DISP1: variants seen among roughly 807,000 people sequenced by gnomAD.
DISP1 encodes the protein dispatched RND transporter family member 1.
In DISP1, 30 loss-of-function variants were observed where a neutral mutation model predicts 37.3. The observed-to-expected ratio is 0.80, with a 90% CI of 0.60 to 1.09. The LOEUF is 1.09. Among genes scored for constraint, DISP1 ranks in the 50% least tolerant of loss-of-function variants. DISP1 has a pLI of 0.00. For missense variants in DISP1, 1,598 were observed against 1,879.5 expected (o/e 0.85, Z 2.77); for synonymous variants, 634 against 690.2 (o/e 0.92, Z 1.28).
At chr1:222,844,671 A>G (rs1483624511) in intron 1 of DISP1, among the ~76,000 whole-genome samples, 1 of 152,134 alleles carries the variant, frequency 6.6e-6, no homozygotes, top group Non-Finnish European at 1.5e-5. Flanking sequence ...CCATGAGCCA[A>G]TTTTCAAAGC....
intron 1 of DISP1, chr1:222,823,902 A>G (rs768867100): frequency 4.6e-5 from 7 of 151,164 alleles, no homozygotes; most frequent in Non-Finnish European, 1.0e-4. Context: ...AAGAGGAGGA[A>G]GAATAATGGG....
intron 1 of DISP1, among the ~76,000 whole-genome samples, chr1:222,924,260 C>A (rs536192260): frequency 7.7e-4 from 117 of 152,112 alleles, no homozygotes; most frequent in Non-Finnish European, 1.5e-3. Flanking sequence ...ATGGTCTTTT[C>A]TTAAATAATC....
In DISP1 at chr1:222,984,419, A is replaced by ATATATATAT. The variant is rs761912265; in HGVS notation, c.539+1310_539+1311insTATATATAT. Among the ~76,000 whole-genome samples, 182 of 101,096 alleles carry ATATATATAT rather than the reference A, an allele frequency of 1.8e-3. 5 individuals are homozygous for ATATATATAT. Among genetic ancestry groups the ATATATATAT allele is most frequent in the South Asian group, 8.4e-3 (25 of 2,970 alleles). 66.3% of individuals were successfully genotyped at this position (101,096 alleles called of 152,430 possible). The stretch of plus-strand genomic sequence containing the variant: ...ACTCTGTCTCAAAAAAAAAAAAAAA[A>ATATATATAT]AAATATATATATATATAGAGAGAGA... On this transcript the variant is annotated intron_variant, in intron 4 of 8. Transcript: ENST00000675850.
chr1:222,866,820 GAAGT>G (rs1255315420), intron 1 of DISP1, among the ~76,000 whole-genome samples: 1 of 152,136 alleles, frequency 6.6e-6, no homozygotes, highest in African/African-American at 2.4e-5. Context: ...TTTGTCACTT[GAAGT>G]AAAAAACTAA....
Position 222,912,949 on chromosome 1 carries a change from G to A in DISP1, c.-158-15481G>A, listed in dbSNP as rs148421927. 4.1e-3 allele frequency among the ~76,000 whole-genome samples: 619 copies of A among 152,302 alleles called. 12 individuals carry two copies. The highest frequency in any genetic ancestry group is 0.017 in the South Asian group (81 of 4,824). ...GAATGAAACATAGTTGCCATATGCA[G>A]TGATGTGATCTTGGGATATGAGACA... On this transcript the variant is annotated intron_variant, in intron 1 of 8. Transcript: ENST00000675850.
chr1:222,870,391 T>C (rs1442574371), intron 1 of DISP1, among the ~76,000 whole-genome samples: 1 of 152,204 alleles, frequency 6.6e-6, no homozygotes, highest in Non-Finnish European at 1.5e-5. Context: ...GTTGAACTAG[T>C]TTACAGTCCC....
intron 3 of DISP1, among the ~76,000 whole-genome samples, chr1:222,959,621 A>G (rs1226788955): frequency 6.6e-6 from 1 of 151,286 alleles, no homozygotes; most frequent in East Asian, 1.9e-4. Flanking sequence ...AATTACTTGA[A>G]CCTGGGAGAG....
At chr1:222,872,790 C>T (rs1238997732) in intron 1 of DISP1, among the ~76,000 whole-genome samples, 2 of 152,106 alleles carry the variant, frequency 1.3e-5, no homozygotes, top group East Asian at 3.8e-4. Context: ...CTGCTCTGAT[C>T]TTAGTTATTT....
chr1:222,946,217 C>CAAAA (rs11330653), intron 3 of DISP1, among the ~76,000 whole-genome samples: 12 of 127,960 alleles, frequency 9.4e-5, no homozygotes, highest in African/African-American at 3.6e-4. Flanking sequence ...ACTAAAAATA[C>CAAAA]AAAAAAAAAA....
chr1:222,901,112 A>C (rs565076506), intron 1 of DISP1, among the ~76,000 whole-genome samples: 6 of 152,274 alleles, frequency 3.9e-5, no homozygotes, highest in African/African-American at 1.4e-4. Context: ...GCAGAAAACT[A>C]AGCTACGAAC....
At chr1:222,958,395 G>A (rs1245014914) in intron 3 of DISP1, among the ~76,000 whole-genome samples, 2 of 152,156 alleles carry the variant, frequency 1.3e-5, no homozygotes, top group Non-Finnish European at 2.9e-5. Context: ...CAGTAAGATT[G>A]CCCATACTCC....
chr1:222,999,688 G>T (rs2789910), intron 8 of DISP1, among the ~76,000 whole-genome samples: 40,962 of 151,998 alleles, frequency 0.27, 5,700 homozygotes, highest in South Asian at 0.33. Context: ...CAGTAAATTT[G>T]CTTTTGAATG....
intron 2 of DISP1, among the ~76,000 whole-genome samples, chr1:222,938,228 A>G (rs1417712104): frequency 6.6e-6 from 1 of 152,122 alleles, no homozygotes; most frequent in Admixed American, 6.5e-5. Flanking sequence ...ACCGATTTTA[A>G]ACTTTCACTA....
At chr1:222,912,074 T>C (rs1194795784) in intron 1 of DISP1, among the ~76,000 whole-genome samples, 1 of 152,130 alleles carries the variant, frequency 6.6e-6, no homozygotes, top group Non-Finnish European at 1.5e-5. Context: ...GGAATCTGAG[T>C]CTTGTCTCTG....
At chr1:222,849,134 T>A (rs1381652405) in intron 1 of DISP1, among the ~76,000 whole-genome samples, 1 of 152,210 alleles carries the variant, frequency 6.6e-6, no homozygotes, top group Non-Finnish European at 1.5e-5. Context: ...TTTCTCTGAA[T>A]GCTTCTTTCA....
intron 3 of DISP1, among the ~76,000 whole-genome samples, chr1:222,974,230 T>C (rs1677158344): frequency 6.6e-6 from 1 of 152,154 alleles, no homozygotes; most frequent in African/African-American, 2.4e-5. Context: ...CTCAACAGTT[T>C]ATAGAAAACT....
chr1:222,997,959 G>C (rs1443240988), intron 8 of DISP1, among the ~76,000 whole-genome samples: 2 of 151,994 alleles, frequency 1.3e-5, no homozygotes, highest in Non-Finnish European at 2.9e-5. Flanking sequence ...ACCTCAAAGA[G>C]TATGGTTATC....
At chr1:222,994,795 C>G (rs1678938777) in intron 7 of DISP1, 90 bp from the exon 8 acceptor site, 1 of 940,730 alleles carries the variant, frequency 1.1e-6, no homozygotes, top group East Asian at 2.4e-5. Flanking sequence ...TGTGGTTTCC[C>G]AGTTTGAATT....
At chr1:222,890,415 A>T (rs1670876970) in intron 1 of DISP1, among the ~76,000 whole-genome samples, 3 of 152,176 alleles carry the variant, frequency 2.0e-5, no homozygotes, top group African/African-American at 7.2e-5. Context: ...GAAGTACCTG[A>T]GCTGATCTAC....
Sources: gnomAD v4.1 joint callset for allele counts (sites outside exome capture counted in the v4.1 genomes callset) on GRCh38, gnomAD v4.1.1 for gene constraint, MANE v1.5 for transcripts, NCBI Gene and HGNC (gene_info 2026-07-23, HGNC 2026-07-21) for gene names.